The following CR1 variants were observed in gnomAD, a reference collection of about 807,000 sequenced individuals.
CR1 encodes complement C3b/C4b receptor 1 (Knops blood group).
Under a neutral mutation model 187.3 loss-of-function variants are expected in CR1, and 116 were observed. The observed-to-expected ratio is 0.62, with a 90% CI of 0.53 to 0.72. The LOEUF is 0.72. CR1 is among the 30% of genes least tolerant of loss of function. The pLI, the probability that CR1 is intolerant of heterozygous loss-of-function variation, is 0.00. For synonymous variants in CR1, 576 were observed against 747.1 expected (o/e 0.77, Z 3.73); for missense variants, 1,731 against 2,110.7 (o/e 0.82, Z 3.52).
At position 207,630,551 on chromosome 1, in the gene CR1, ATCCATTTACAT is replaced by A; in HGVS notation, c.7390_7400del (p.His2464SerfsTer15). On this transcript the variant is annotated frameshift_variant, in exon 46 of 47. Coordinates refer to ENST00000367049, the MANE Select transcript of CR1 (RefSeq NM_000651.6). LOFTEE classifies it high-confidence loss of function. ...ACATGAAAACCCTAAAGAAGTGGCTATCCATTTACATTCTCAAGGAGGCAGCAGCGTTCATC... is the reference window on the plus strand; with the variant it reads ...ACATGAAAACCCTAAAGAAGTGGCTATCTCAAGGAGGCAGCAGCGTTCATC... The A allele has an allele frequency of 1.9e-6, 3 of 1,610,654 alleles. No homozygotes were observed. The highest frequency in any genetic ancestry group is 2.5e-6 in the Non-Finnish European group (3 of 1,178,714).
chr1:207,601,110 GA>G (rs1661592563), intron 35 of CR1, among the ~76,000 whole-genome samples: 2 of 152,046 alleles, frequency 1.3e-5, no homozygotes, highest in South Asian at 4.1e-4. Context: ...AAAAATCATA[GA>G]AATTATAAAG....
Position 207,581,864 on chromosome 1 carries a change from G to A in CR1, c.5217-54G>A, listed in dbSNP as rs189023632. ...CAGGGAGGAGGTTGAGATCTGTCAC[G>A]AAGGGAAGAGAGAAATGGTGCATTC... On this transcript the variant is annotated intron_variant, in intron 31 of 46. Transcript: ENST00000367049. 439 of 1,246,606 alleles carry A rather than the reference G, an allele frequency of 3.5e-4. 3 individuals carry two copies. The African/African-American group carries it at 5.3e-3, about 15-fold the overall frequency. 77.2% of individuals were successfully genotyped at this position (1,246,606 alleles called of 1,614,324 possible).
At chr1:207,515,064 T>C (rs1374052471) in intron 4 of CR1, among the ~76,000 whole-genome samples, 2 of 146,902 alleles carry the variant, frequency 1.4e-5, no homozygotes, top group African/African-American at 4.9e-5. Flanking sequence ...TATGTATATA[T>C]ACGTATATAC....
rs56348527 is a variant in CR1 at position 207,497,467 on chromosome 1, AC to A, written c.121+1080del. ...CGGGTTCGCCCTTCTCTGCCACTAG[AC>A]ATTTTACATTCATTATTTGAGTGTT... On this transcript the variant is annotated intron_variant, in intron 1 of 46. Coordinates refer to ENST00000367049, the MANE Select transcript of CR1 (RefSeq NM_000651.6). 7.5e-3 allele frequency among the ~76,000 whole-genome samples: 1,143 copies of A among 152,260 alleles called. 8 individuals are homozygous for A. Among genetic ancestry groups the A allele is most frequent in the Non-Finnish European group, 0.013 (860 of 68,022 alleles).
intron 24 of CR1, among the ~76,000 whole-genome samples, chr1:207,566,165 C>G (rs1202621963): frequency 6.7e-6 from 1 of 150,342 alleles, no homozygotes; most frequent in Non-Finnish European, 1.5e-5. Flanking sequence ...TGGTCTTGTG[C>G]TCCTAGGTCA....
intron 4 of CR1, among the ~76,000 whole-genome samples, chr1:207,516,494 T>C (rs539370406): frequency 3.3e-5 from 5 of 152,346 alleles, no homozygotes; most frequent in South Asian, 2.1e-4. Context: ...TGCATTACCA[T>C]ATAAAATTTA....
chr1:207,598,677 C>G (rs1426726017), intron 35 of CR1, among the ~76,000 whole-genome samples: 1 of 152,168 alleles, frequency 6.6e-6, no homozygotes, highest in Non-Finnish European at 1.5e-5. Context: ...CTCGGCCTCC[C>G]AAAGTGCTGG....
intron 39 of CR1, among the ~76,000 whole-genome samples, chr1:207,613,387 A>G (rs554561663): frequency 6.6e-6 from 1 of 152,160 alleles, no homozygotes; most frequent in East Asian, 1.9e-4. Context: ...ACAACAGTGT[A>G]AAAAACCAAT....
chr1:207,591,115 T>C (rs1274408287), intron 35 of CR1, among the ~76,000 whole-genome samples: 1 of 152,194 alleles, frequency 6.6e-6, no homozygotes, highest in Non-Finnish European at 1.5e-5. Flanking sequence ...AATAGACATC[T>C]ATAGAACTCT....
intron 35 of CR1, among the ~76,000 whole-genome samples, chr1:207,589,787 C>G (rs1364711810): frequency 6.6e-6 from 1 of 152,102 alleles, no homozygotes; most frequent in Non-Finnish European, 1.5e-5. Context: ...CCTGATGGAG[C>G]TGAAAAACAC....
intron 4 of CR1, among the ~76,000 whole-genome samples, chr1:207,518,155 T>C (rs1234170743): frequency 6.6e-6 from 1 of 152,206 alleles, no homozygotes; most frequent in Non-Finnish European, 1.5e-5. Flanking sequence ...TTTATTATCA[T>C]TGTACATAAA....
intron 46 of CR1, among the ~76,000 whole-genome samples, chr1:207,639,123 T>A (rs1418765975): frequency 6.6e-6 from 1 of 152,242 alleles, no homozygotes; most frequent in African/African-American, 2.4e-5. Context: ...AAATTTAGAA[T>A]GACATTGACT....
intron 35 of CR1, among the ~76,000 whole-genome samples, chr1:207,596,079 A>C (rs1050272589): frequency 2.7e-5 from 4 of 148,324 alleles, no homozygotes; most frequent in Non-Finnish European, 6.0e-5. Context: ...CTATATCTAT[A>C]TATATATATA....
At chr1:207,577,108 G>A (rs1451762498) in intron 28 of CR1, among the ~76,000 whole-genome samples, 1 of 151,752 alleles carries the variant, frequency 6.6e-6, no homozygotes, top group Non-Finnish European at 1.5e-5. Flanking sequence ...AAAGTTAGCC[G>A]AGTTTGGTGG....
intron 3 of CR1, among the ~76,000 whole-genome samples, chr1:207,510,393 T>C (rs190972169): frequency 1.3e-5 from 2 of 152,360 alleles, no homozygotes; most frequent in Admixed American, 6.5e-5. Flanking sequence ...TAAAGCTTTA[T>C]GTTGCCAGGT....
chr1:207,627,839 G>A (rs1662527309), intron 45 of CR1, among the ~76,000 whole-genome samples: 1 of 152,188 alleles, frequency 6.6e-6, no homozygotes, highest in Non-Finnish European at 1.5e-5. Context: ...CAAATTCAGT[G>A]TCTGGTGGGG....
intron 23 of CR1, among the ~76,000 whole-genome samples, chr1:207,564,570 G>A (rs904555130): frequency 6.7e-6 from 1 of 150,156 alleles, no homozygotes; most frequent in Non-Finnish European, 1.5e-5. Flanking sequence ...GGAGGTTGAG[G>A]CAGGCAGATC....
Position 207,632,797 on chromosome 1 carries a change from C to CAAA in CR1, c.7457+2202_7457+2204dup, listed in dbSNP as rs55649027. ...TGGGTGACAGAGCAAGACTCCGTCTCAAAAAAAAAAAAAAAAAAAAAAAAA... is the reference window on the plus strand; with the variant it reads ...TGGGTGACAGAGCAAGACTCCGTCTCAAAAAAAAAAAAAAAAAAAAAAAAAAAA... On this transcript the variant is annotated intron_variant, in intron 46 of 46. Coordinates refer to ENST00000367049, the MANE Select transcript of CR1 (RefSeq NM_000651.6). Among the ~76,000 whole-genome samples the CAAA allele has an allele frequency of 7.5e-4, 81 of 107,636 alleles. 1 individual carries two copies. Among genetic ancestry groups the CAAA allele is most frequent in the African/African-American group, 3.3e-3 (74 of 22,606 alleles). The allele number at this position is 107,636 out of a possible 152,430, so 70.6% of individuals were successfully genotyped here.
At position 207,496,213 on chromosome 1, in the gene CR1, T is replaced by G; in HGVS notation, c.-55T>G. The G allele has an allele frequency of 1.2e-6, 2 of 1,613,080 alleles. No homozygotes were observed. Among genetic ancestry groups the G allele is most frequent in the Non-Finnish European group, 1.7e-6 (2 of 1,179,612 alleles). On this transcript the variant is annotated 5_prime_UTR_variant, in exon 1 of 47. Coordinates refer to ENST00000367049, the MANE Select transcript of CR1 (RefSeq NM_000651.6). ...ACTCCTATTTTCGCTGAGCTTTTCC[T>G]CTTATTTCAGTTTTCTTCGAGATCA...
Sources: allele counts gnomAD v4.1 joint callset (sites outside exome capture counted in the v4.1 genomes callset), GRCh38; gene constraint gnomAD v4.1.1; transcripts MANE v1.5; gene names NCBI Gene and HGNC (gene_info 2026-07-23, HGNC 2026-07-21).